RSPO3: variants seen among roughly 807,000 people sequenced by gnomAD.
RSPO3 encodes the protein R-spondin-3.
RSPO3 carries 17 observed loss-of-function variants against 36.5 expected under a neutral mutation model. The ratio of observed to expected loss-of-function variants is 0.47; its 90% CI spans 0.32 to 0.70. The LOEUF (loss-of-function observed/expected upper bound fraction) is 0.70. Among genes scored for constraint, RSPO3 ranks in the 30% least tolerant of loss-of-function variants. The probability of loss-of-function intolerance (pLI) is 0.04; values close to 1 mark genes in which losing one functional copy is unlikely to be tolerated. For missense variants in RSPO3, 294 were observed against 322.5 expected (o/e 0.91, Z 0.68); for synonymous variants, 108 against 107.0 (o/e 1.01, Z -0.06).
intron 4 of RSPO3, among the ~76,000 whole-genome samples, chr6:127,183,759 A>G (rs72959099): frequency 0.049 from 7,446 of 152,100 alleles, 268 homozygotes; most frequent in Middle Eastern, 0.11. Context: ...CCTTGTGCAC[A>G]AAATTATGCA....
chr6:127,132,449 G>T (rs970334276), intron 1 of RSPO3, among the ~76,000 whole-genome samples: 3 of 151,950 alleles, frequency 2.0e-5, no homozygotes, highest in Non-Finnish European at 4.4e-5. Flanking sequence ...TAAGGGAAAT[G>T]AGTTCATTTA....
chr6:127,144,372 T>C (rs2114573378), intron 1 of RSPO3, among the ~76,000 whole-genome samples: 1 of 152,240 alleles, frequency 6.6e-6, no homozygotes, highest in East Asian at 1.9e-4. Context: ...TCACCTCTGA[T>C]CTAAACTCAC....
intron 1 of RSPO3, among the ~76,000 whole-genome samples, chr6:127,147,310 T>G (rs1375368896): frequency 1.3e-5 from 2 of 152,124 alleles, no homozygotes; most frequent in African/African-American, 4.8e-5. Flanking sequence ...GTAAAGAACT[T>G]AGTAATAACC....
At chr6:127,176,477 T>C (rs1194480216) in intron 4 of RSPO3, among the ~76,000 whole-genome samples, 1 of 151,700 alleles carries the variant, frequency 6.6e-6, no homozygotes, top group Non-Finnish European at 1.5e-5. Context: ...AAACACTCAT[T>C]CCTTACTACT....
At chr6:127,140,097 T>A (rs1774240790) in intron 1 of RSPO3, among the ~76,000 whole-genome samples, 1 of 152,114 alleles carries the variant, frequency 6.6e-6, no homozygotes, top group African/African-American at 2.4e-5. Context: ...GATTTTTAAT[T>A]CATTTAAGGA....
intron 4 of RSPO3, among the ~76,000 whole-genome samples, chr6:127,172,947 G>C (rs573000941): frequency 6.6e-6 from 1 of 151,678 alleles, no homozygotes. Flanking sequence ...TAATAAGCAA[G>C]TTAGTCAGTA....
At chr6:127,128,307 T>G (rs1323047254) in intron 1 of RSPO3, among the ~76,000 whole-genome samples, 1 of 152,046 alleles carries the variant, frequency 6.6e-6, no homozygotes, top group Non-Finnish European at 1.5e-5. Context: ...ACAATAATTT[T>G]CCGCCCTGAG....
intron 1 of RSPO3, among the ~76,000 whole-genome samples, chr6:127,124,647 T>C (rs975571841): frequency 6.6e-6 from 1 of 152,024 alleles, no homozygotes; most frequent in Non-Finnish European, 1.5e-5. Context: ...TTTCACATGA[T>C]TGAATATCTT....
chr6:127,166,784 A>G (rs1360745525), intron 4 of RSPO3, among the ~76,000 whole-genome samples: 1 of 152,008 alleles, frequency 6.6e-6, no homozygotes, highest in African/African-American at 2.4e-5. Flanking sequence ...GTGTTTCCTC[A>G]TATCCTGACT....
intron 1 of RSPO3, among the ~76,000 whole-genome samples, chr6:127,124,986 C>A (rs1773912428): frequency 1.3e-5 from 2 of 152,078 alleles, no homozygotes; most frequent in South Asian, 2.1e-4. Context: ...TACCTGAATT[C>A]TTTTCACATT....
At chr6:127,177,942 TA>T (rs1775089116) in intron 4 of RSPO3, among the ~76,000 whole-genome samples, 1 of 151,736 alleles carries the variant, frequency 6.6e-6, no homozygotes, top group African/African-American at 2.4e-5. Flanking sequence ...TTTGTCACGT[TA>T]GTATTAGTCT....
chr6:127,121,551 G>T (rs542578128), intron 1 of RSPO3, among the ~76,000 whole-genome samples: 11 of 152,266 alleles, frequency 7.2e-5, no homozygotes, highest in African/African-American at 2.6e-4. Flanking sequence ...GGCTTGGTTT[G>T]CTGGTGCAAT....
rs79998579 is a variant in RSPO3 at position 127,124,745 on chromosome 6, G to T, written c.97+5456G>T. Among the ~76,000 whole-genome samples, 189 of 152,110 alleles carry T rather than the reference G, an allele frequency of 1.2e-3. 1 individual carries two copies. Among genetic ancestry groups the T allele is most frequent in the African/African-American group, 4.4e-3 (184 of 41,520 alleles). ...AAGTACAGCATATACATATGTAAAA[G>T]ATGCTAGCCATCTTTTCTGTTTCTT... On this transcript the variant is annotated intron_variant, in intron 1 of 4. Coordinates refer to ENST00000356698, the MANE Select transcript of RSPO3 (RefSeq NM_032784.5).
intron 1 of RSPO3, among the ~76,000 whole-genome samples, chr6:127,128,040 T>C (rs1052329743): frequency 6.6e-6 from 1 of 152,094 alleles, no homozygotes; most frequent in Non-Finnish European, 1.5e-5. Context: ...GACTCTGTGA[T>C]TGTTATTTCC....
intron 1 of RSPO3, among the ~76,000 whole-genome samples, chr6:127,142,169 A>T (rs1774285597): frequency 6.6e-6 from 1 of 152,174 alleles, no homozygotes; most frequent in Non-Finnish European, 1.5e-5. Context: ...ATCCAAAAGG[A>T]GTGTTGTATC....
chr6:127,137,844 T>A (rs1267728441), intron 1 of RSPO3, among the ~76,000 whole-genome samples: 1 of 152,176 alleles, frequency 6.6e-6, no homozygotes, highest in Middle Eastern at 3.2e-3. Context: ...AAGTTTCTAA[T>A]CTATACATTT....
chr6:127,182,397 C>T (rs1307814029), intron 4 of RSPO3, among the ~76,000 whole-genome samples: 3 of 151,848 alleles, frequency 2.0e-5, no homozygotes, highest in Non-Finnish European at 4.4e-5. Context: ...ATTTCAAGCT[C>T]TTTACCCCTT....
chr6:127,184,284 C>A (rs943587251), intron 4 of RSPO3, among the ~76,000 whole-genome samples: 1 of 151,900 alleles, frequency 6.6e-6, no homozygotes, highest in African/African-American at 2.4e-5. Context: ...AGAGTAAGTT[C>A]TTTATATTTG....
intron 2 of RSPO3, 27 bp downstream of exon 2, chr6:127,148,866 T>C (rs1562244843): frequency 7.0e-6 from 11 of 1,565,384 alleles, no homozygotes; most frequent in Non-Finnish European, 8.7e-6. Context: ...AATTGTATTT[T>C]TATCTCATCT....
Sources: allele counts gnomAD v4.1 joint callset (sites outside exome capture counted in the v4.1 genomes callset), GRCh38; gene constraint gnomAD v4.1.1; transcripts MANE v1.5; gene names NCBI Gene and HGNC (gene_info 2026-07-23, HGNC 2026-07-21).